DPYS: variants seen among roughly 807,000 people sequenced by gnomAD.
DPYS encodes the protein dihydropyrimidinase.
In DPYS, 39 loss-of-function variants were observed where a neutral mutation model predicts 50.3. The ratio of observed to expected loss-of-function variants is 0.78; its 90% CI spans 0.60 to 1.01. The LOEUF (loss-of-function observed/expected upper bound fraction) is 1.01, where lower values mean the gene tolerates loss of function less well. DPYS is among the 50% of genes least tolerant of loss of function. The probability of loss-of-function intolerance (pLI) is 0.00; values close to 1 mark genes in which losing one functional copy is unlikely to be tolerated. For missense variants in DPYS, 659 were observed against 680.9 expected (o/e 0.97, Z 0.36); for synonymous variants, 245 against 250.7 (o/e 0.98, Z 0.22).
At chr8:104,397,935 C>T (rs112555305) in intron 7 of DPYS, among the ~76,000 whole-genome samples, 2,090 of 152,324 alleles carry the variant, frequency 0.014, 39 homozygotes, top group African/African-American at 0.045. Flanking sequence ...AATGCAATAT[C>T]ATCACGTGAT....
chr8:104,418,646 CCT>C (rs1564093403), intron 7 of DPYS: 2 of 152,330 alleles, frequency 1.3e-5, no homozygotes, highest in South Asian at 2.1e-4. Context: ...CCTAGAACCC[CCT>C]GTCAATGCCT....
chr8:104,457,591 A>G (rs1813970886), intron 1 of DPYS, among the ~76,000 whole-genome samples: 1 of 152,200 alleles, frequency 6.6e-6, no homozygotes, highest in Non-Finnish European at 1.5e-5. Flanking sequence ...ACTAAAATCC[A>G]TCACAGAACC....
chr8:104,450,714 A>G (rs1813708974), intron 2 of DPYS, among the ~76,000 whole-genome samples: 1 of 152,212 alleles, frequency 6.6e-6, no homozygotes. Flanking sequence ...CACTCGGTCA[A>G]GATACAGCTT....
chr8:104,422,129 G>T (rs1464485494), intron 7 of DPYS, among the ~76,000 whole-genome samples: 6 of 152,174 alleles, frequency 3.9e-5, no homozygotes, highest in Admixed American at 2.0e-4. Flanking sequence ...GCTGGGCCCT[G>T]TTGGAGATAC....
chr8:104,379,721 A>C lies in DPYS; in HGVS notation c.*137T>G. 1 of 431,606 alleles carries C rather than the reference A, an allele frequency of 2.3e-6. No homozygotes were observed. The highest frequency in any genetic ancestry group is 4.6e-6 in the Non-Finnish European group (1 of 217,750). The allele number at this position is 431,606 out of a possible 1,614,324, so 26.7% of individuals were successfully genotyped here. A position where few individuals can be genotyped will look rare whatever the true frequency, so the allele number is the denominator to read the frequency against. On this transcript the variant is annotated 3_prime_UTR_variant, in exon 10 of 10. Transcript: ENST00000351513. ...AATTGCTTCTGAAAGAAAATCAAAG[A>C]AGCCTATAGTGGTGAATTTTTTCTA...
In DPYS at chr8:104,428,029, C is replaced by T; in HGVS notation, c.1043G>A (p.Gly348Glu). Reference protein sequence around the residue: ...GKDDFTKIPNGVNGVEDRMSV... With the variant: ...GKDDFTKIPNEVNGVEDRMSV... Reference sequence around the variant, plus strand: ...CATCCGATCTTCAACACCATTCACCCCATTGGGGATCTTGGTAAAATCATC... The same window carrying T: ...CATCCGATCTTCAACACCATTCACCTCATTGGGGATCTTGGTAAAATCATC... Residue 348 changes from glycine (G) to glutamate (E), a missense_variant, in exon 6 of 10, where the codon GGG becomes GAG. Gly to Glu is a moderately conservative substitution (Grantham distance 98). Transcript: ENST00000351513. 6.2e-7 allele frequency: 1 copy of T among 1,614,212 alleles called. No individual in the cohort carries two copies. Among genetic ancestry groups the T allele is most frequent in the Non-Finnish European group, 8.5e-7 (1 of 1,180,038 alleles).
chr8:104,431,135 G>A (rs527317233), intron 4 of DPYS, among the ~76,000 whole-genome samples: 30 of 152,270 alleles, frequency 2.0e-4, no homozygotes, highest in African/African-American at 7.2e-4. Context: ...ACAAGTCGCT[G>A]ACTGAGGATT....
chr8:104,447,861 T>C (rs2140721335), intron 2 of DPYS, among the ~76,000 whole-genome samples: 1 of 152,358 alleles, frequency 6.6e-6, no homozygotes, highest in African/African-American at 2.4e-5. Context: ...GAAGCAATCA[T>C]GGATCCAGCA....
intron 4 of DPYS, among the ~76,000 whole-genome samples, chr8:104,431,795 G>A (rs985193431): frequency 6.6e-4 from 100 of 152,218 alleles, no homozygotes; most frequent in African/African-American, 2.3e-3. Flanking sequence ...TGAGACTAAT[G>A]TGCTCAACAC....
At chr8:104,382,931 G>A (rs964325659) in intron 8 of DPYS, among the ~76,000 whole-genome samples, 5 of 152,084 alleles carry the variant, frequency 3.3e-5, no homozygotes, top group African/African-American at 4.8e-5. Flanking sequence ...ATCCCATTCC[G>A]TCTCCCTCTT....
chr8:104,422,254 C>CTTTA (rs1812574262), intron 7 of DPYS, among the ~76,000 whole-genome samples: 1 of 152,118 alleles, frequency 6.6e-6, no homozygotes, highest in Non-Finnish European at 1.5e-5. Flanking sequence ...CATTTTTTCC[C>CTTTA]TCACCTTTGA....
intron 7 of DPYS, among the ~76,000 whole-genome samples, chr8:104,406,821 A>G (rs1403390652): frequency 6.6e-6 from 1 of 152,230 alleles, no homozygotes; most frequent in Non-Finnish European, 1.5e-5. Context: ...ATGCATATGT[A>G]TAAACACACA....
At chr8:104,441,915 A>G (rs1813369179) in intron 4 of DPYS, among the ~76,000 whole-genome samples, 1 of 152,196 alleles carries the variant, frequency 6.6e-6, no homozygotes, top group Non-Finnish European at 1.5e-5. Context: ...ATGTGGGCTG[A>G]CCTTCAGAAC....
intron 7 of DPYS, among the ~76,000 whole-genome samples, chr8:104,422,392 C>G (rs148350766): frequency 1.4e-3 from 211 of 152,282 alleles, no homozygotes; most frequent in Admixed American, 2.9e-3. Context: ...TATCAGACAG[C>G]CTGGTACTGA....
intron 3 of DPYS, among the ~76,000 whole-genome samples, chr8:104,446,031 C>T (rs772949613): frequency 5.3e-4 from 80 of 152,114 alleles, no homozygotes; most frequent in African/African-American, 1.5e-3. Context: ...GGCAACAGAG[C>T]GGGACTCCAT....
At chr8:104,399,741 C>T (rs1811725516) in intron 7 of DPYS, among the ~76,000 whole-genome samples, 1 of 151,426 alleles carries the variant, frequency 6.6e-6, no homozygotes, top group Non-Finnish European at 1.5e-5. Context: ...TGGTGGCGGG[C>T]ACCTGTAGTC....
intron 8 of DPYS, among the ~76,000 whole-genome samples, chr8:104,389,125 T>C (rs1042760357): frequency 3.9e-5 from 6 of 152,208 alleles, no homozygotes; most frequent in South Asian, 4.1e-4. Context: ...GACTGACAAA[T>C]GCTGATGTGA....
chr8:104,389,961 G>T (rs1219578553), intron 8 of DPYS, among the ~76,000 whole-genome samples: 1 of 152,172 alleles, frequency 6.6e-6, no homozygotes, highest in African/African-American at 2.4e-5. Context: ...AAAACAATTT[G>T]CAAAGGAGAA....
Position 104,451,365 on chromosome 8 carries a change from C to T in DPYS, c.304G>A (p.Ala102Thr), listed in dbSNP as rs962148202. Reference sequence around the variant, plus strand: ...AGGGAGCCACCTTTCTGAGGAATGGCGAAATCAATAATCATGGTGGTGCCT... The same window carrying T: ...AGGGAGCCACCTTTCTGAGGAATGGTGAAATCAATAATCATGGTGGTGCCT... The part of the protein sequence containing the change: ...SGGTTMIIDF[A>T]IPQKGGSLIE... The change falls in exon 2 of 10, where the codon GCC (alanine) becomes ACC (threonine). Residue 102 changes from alanine to threonine, a missense_variant. Coordinates refer to ENST00000351513, the MANE Select transcript of DPYS (RefSeq NM_001385.3). 39 of 1,614,092 alleles carry T rather than the reference C, an allele frequency of 2.4e-5. No homozygotes were observed. Among genetic ancestry groups the T allele is most frequent in the Admixed American group, 8.3e-5 (5 of 60,000 alleles).
Sources: allele counts gnomAD v4.1 joint callset (sites outside exome capture counted in the v4.1 genomes callset), GRCh38; gene constraint gnomAD v4.1.1; transcripts MANE v1.5; gene names NCBI Gene and HGNC (gene_info 2026-07-23, HGNC 2026-07-21).